The following FREM2 variants were observed in gnomAD, a reference collection of about 807,000 sequenced individuals.
The protein encoded by FREM2 is FRAS1-related extracellular matrix protein 2.
In FREM2, 119 loss-of-function variants were observed where a neutral mutation model predicts 219.9. The observed-to-expected ratio is 0.54, with a 90% confidence interval of 0.47 to 0.63. FREM2 has a LOEUF of 0.63. Ranked by LOEUF, FREM2 falls within the 30% of genes least tolerant of loss-of-function variation. FREM2 has a pLI of 0.00. For synonymous variants in FREM2, 1,562 were observed against 1,522.8 expected, an observed-to-expected ratio of 1.03 and a Z score of -0.60; for missense variants, 4,030 against 3,993.6, an observed-to-expected ratio of 1.01 and a Z score of -0.25.
chr13:38,731,221 C>T (rs1171342054), intron 2 of FREM2, among the ~76,000 whole-genome samples: 1 of 152,062 alleles, frequency 6.6e-6, no homozygotes, highest in Non-Finnish European at 1.5e-5. Flanking sequence ...TATAAAATAT[C>T]CGATTAACTG....
intron 6 of FREM2, among the ~76,000 whole-genome samples, chr13:38,791,298 A>G (rs531530323): frequency 3.0e-4 from 46 of 152,330 alleles, no homozygotes; most frequent in Admixed American, 1.4e-3. Context: ...GAGAGCATCA[A>G]GGAACTCAGT....
intron 6 of FREM2, among the ~76,000 whole-genome samples, chr13:38,820,195 T>G (rs1162435836): frequency 6.6e-6 from 1 of 152,118 alleles, no homozygotes; most frequent in Non-Finnish European, 1.5e-5. Flanking sequence ...TTCCACATCA[T>G]CTAGCAAATG....
Position 38,689,126 on chromosome 13 carries a change from T to C in FREM2, c.1782T>C (p.Ser594=), listed in dbSNP as rs778634657. 7.4e-6 allele frequency: 12 copies of C among 1,613,748 alleles called. No individual in the cohort carries two copies. The highest frequency in any genetic ancestry group is 6.7e-5 in the East Asian group (3 of 44,876). The change falls in exon 1 of 24, where the codon TCT becomes TCC. Residue 594 remains serine, a synonymous_variant. Transcript: ENST00000280481. Reference sequence around the variant, plus strand: ...CAACTGACATGGATTCAGATGATTCTCTGCTGCTTTTTGTGCTGGAGTCAC... The same window carrying C: ...CAACTGACATGGATTCAGATGATTCCCTGCTGCTTTTTGTGCTGGAGTCAC... The part of the protein sequence containing the change: ...LSATDMDSDD[S]LLLFVLESPF...
At chr13:38,820,735 C>A (rs1230176861) in intron 6 of FREM2, among the ~76,000 whole-genome samples, 1 of 152,046 alleles carries the variant, frequency 6.6e-6, no homozygotes, top group Non-Finnish European at 1.5e-5. Context: ...TGCTGAAAAG[C>A]CAAACATGGC....
intron 6 of FREM2, among the ~76,000 whole-genome samples, chr13:38,832,153 A>G (rs1335856255): frequency 1.3e-5 from 2 of 151,836 alleles, no homozygotes; most frequent in Non-Finnish European, 1.5e-5. Flanking sequence ...CGTCTCTACT[A>G]AAAATACAAA....
At chr13:38,809,199 C>T (rs1485674589) in intron 6 of FREM2, among the ~76,000 whole-genome samples, 1 of 149,902 alleles carries the variant, frequency 6.7e-6, no homozygotes, top group East Asian at 2.4e-4. Flanking sequence ...TTTTTTATAT[C>T]ATTCATTGAA....
chr13:38,858,364 A>G (rs146897833), intron 13 of FREM2, among the ~76,000 whole-genome samples: 2,700 of 152,322 alleles, frequency 0.018, 25 homozygotes, highest in Middle Eastern at 0.071. Flanking sequence ...AAGGCAAGAT[A>G]TAACCACTAT....
intron 2 of FREM2, among the ~76,000 whole-genome samples, chr13:38,740,719 T>C (rs1872209513): frequency 6.6e-6 from 1 of 152,202 alleles, no homozygotes; most frequent in African/African-American, 2.4e-5. Flanking sequence ...TAATTGCAAA[T>C]AGAAACACAG....
chr13:38,707,574 T>A (rs1283694651), intron 2 of FREM2, among the ~76,000 whole-genome samples: 1 of 152,174 alleles, frequency 6.6e-6, no homozygotes, highest in Non-Finnish European at 1.5e-5. Context: ...CAGGAAGGTT[T>A]AATCCTTTCA....
intron 3 of FREM2, among the ~76,000 whole-genome samples, chr13:38,769,200 T>G (rs1873556059): frequency 6.6e-6 from 1 of 152,244 alleles, no homozygotes; most frequent in Non-Finnish European, 1.5e-5. Flanking sequence ...CTTATTTTTT[T>G]TATAATATCC....
At chr13:38,814,020 A>G (rs1309913927) in intron 6 of FREM2, among the ~76,000 whole-genome samples, 1 of 151,940 alleles carries the variant, frequency 6.6e-6, no homozygotes, top group Non-Finnish European at 1.5e-5. Flanking sequence ...ACATTTTTCA[A>G]GTCTATAATT....
chr13:38,799,497 TTAAAAC>T (rs540216582), intron 6 of FREM2, among the ~76,000 whole-genome samples: 513 of 152,220 alleles, frequency 3.4e-3, no homozygotes, highest in Middle Eastern at 6.8e-3. Flanking sequence ...GTAGTCTAGT[TTAAAAC>T]TAATATTTCT....
At chr13:38,756,787 C>T (rs527595854) in intron 2 of FREM2, among the ~76,000 whole-genome samples, 3 of 151,802 alleles carry the variant, frequency 2.0e-5, no homozygotes, top group African/African-American at 4.8e-5. Flanking sequence ...GTGATCTGCC[C>T]GCCTCAGCCT....
In FREM2 at chr13:38,856,163, T is replaced by C. The variant is rs1213484227; in HGVS notation, c.6963T>C (p.Val2321=). 6 of 1,611,906 alleles carry C rather than the reference T, an allele frequency of 3.7e-6. No individual in the cohort carries two copies. The East Asian group carries it at 1.1e-4, about 30-fold the overall frequency. ...AGGAAGGGGAAACCCAGCACGTGGT[T>C]GAAATCGAAGTTACCTTTGACGGGG... ...EFKEGETQHV[V]EIEVTFDGVR... The change falls in exon 12 of 24, where the codon GTT becomes GTC. Residue 2321 remains valine (V), a synonymous_variant. Coordinates refer to ENST00000280481, the MANE Select transcript of FREM2 (RefSeq NM_207361.6).
At position 38,689,162 on chromosome 13, in the gene FREM2, T is replaced by G; in HGVS notation, c.1818T>G (p.Thr606=). ...LLFVLESPFL[T]TGHLLLRQTH... is the part of the protein sequence containing the mutation. The stretch of plus-strand genomic sequence containing the variant: ...TTGTGCTGGAGTCACCCTTCTTAAC[T>G]ACGGGGCATCTGCTTCTCCGCCAAA... The change falls in exon 1 of 24, where the codon ACT becomes ACG. Residue 606 remains threonine, a synonymous_variant. Coordinates refer to ENST00000280481, the MANE Select transcript of FREM2 (RefSeq NM_207361.6). 2 of 1,613,944 alleles carry G rather than the reference T, an allele frequency of 1.2e-6. No homozygotes were observed. The highest frequency in any genetic ancestry group is 1.7e-6 in the Non-Finnish European group (2 of 1,180,010).
intron 6 of FREM2, among the ~76,000 whole-genome samples, chr13:38,792,370 C>T (rs1307298267): frequency 4.6e-5 from 7 of 151,926 alleles, no homozygotes; most frequent in African/African-American, 1.7e-4. Flanking sequence ...TTAAAAAAGT[C>T]CCTTCAATTT....
Position 38,872,761 on chromosome 13 carries a change from C to T in FREM2, c.8003C>T (p.Ser2668Phe). ...TTTTAGGTCCTAAACCTAGTGCAGT[C>T]CTATGTGACCCTTCGAGTCCCTCTG... Reference protein sequence around the residue: ...TDGQVLNLVQSYVTLRVPLYV... With the variant: ...TDGQVLNLVQFYVTLRVPLYV... The change falls in exon 17 of 24, where the codon TCC becomes TTC. Residue 2668 changes from serine (S) to phenylalanine (F), a missense_variant. Transcript: ENST00000280481. 1 of 1,613,978 alleles carries T rather than the reference C, an allele frequency of 6.2e-7. No homozygotes were observed. The highest frequency in any genetic ancestry group is 8.5e-7 in the Non-Finnish European group (1 of 1,179,896).
chr13:38,688,215 G>T lies in FREM2; in HGVS notation c.871G>T (p.Ala291Ser). The change falls in exon 1 of 24, where the codon GCT (alanine) becomes TCT (serine). Residue 291 changes from alanine to serine, a missense_variant. This residue lies in a region of FREM2 where 3,102 missense variants were observed against 2,950.7 expected (regional missense o/e 1.05). Transcript: ENST00000280481. The stretch of plus-strand genomic sequence containing the variant: ...GGTGGTGGAGCTGCGTTCACGAGGG[G>T]CTCCTGTGGGCAGCCCTGCTTTGAA... ...PMVVELRSRG[A>S]PVGSPALKRE... 1 of 1,613,168 alleles carries T rather than the reference G, an allele frequency of 6.2e-7. No homozygotes were observed. Among genetic ancestry groups the T allele is most frequent in the Non-Finnish European group, 8.5e-7 (1 of 1,179,534 alleles).
chr13:38,766,031 G>A (rs1326647633), intron 3 of FREM2, among the ~76,000 whole-genome samples: 1 of 152,036 alleles, frequency 6.6e-6, no homozygotes, highest in Non-Finnish European at 1.5e-5. Context: ...TAAATCATGG[G>A]GAAAATGATA....
Sources: allele counts gnomAD v4.1 joint callset (sites outside exome capture counted in the v4.1 genomes callset), GRCh38; gene constraint gnomAD v4.1.1; regional missense constraint gnomAD v4.1.1; transcripts MANE v1.5; gene names NCBI Gene and HGNC (gene_info 2026-07-23, HGNC 2026-07-21).